RSRP1: variants seen among roughly 807,000 people sequenced by gnomAD.
The protein encoded by RSRP1 is arginine and serine rich protein 1, also known as arginine/serine-rich protein 1.
RSRP1 carries 37 observed loss-of-function variants against 33.0 expected under a neutral mutation model. The observed-to-expected ratio is 1.12, with a 90% CI of 0.86 to 1.48. RSRP1 has a LOEUF of 1.48. Among genes scored for constraint, RSRP1 ranks in the 40% most tolerant of loss-of-function variants. The probability of loss-of-function intolerance (pLI) is 0.00; values close to 1 mark genes in which losing one functional copy is unlikely to be tolerated. For synonymous variants in RSRP1, 167 were observed against 158.7 expected, an observed-to-expected ratio of 1.05 and a Z score of -0.40; for missense variants, 402 against 385.3, an observed-to-expected ratio of 1.04 and a Z score of -0.36.
chr1:25,268,883 G>C (rs1443986555), intron 1 of RSRP1, among the ~76,000 whole-genome samples: 1 of 128,380 alleles, frequency 7.8e-6, no homozygotes. Context: ...GGGAGGTGGA[G>C]GTTGCAGTGA....
intron 1 of RSRP1, among the ~76,000 whole-genome samples, chr1:25,332,572 A>G (rs1571784488): frequency 1.5e-5 from 2 of 131,904 alleles, no homozygotes; most frequent in East Asian, 2.0e-4. Flanking sequence ...CACACTGCGA[A>G]CCATATTACC....
At position 25,245,268 on chromosome 1, in the gene RSRP1, T is replaced by C. The variant is rs770376534; in HGVS notation, c.554A>G (p.Asn185Ser). ...RMELLEIAKTNAAKALGTTNI... is the reference protein window; with the variant it reads ...RMELLEIAKTSAAKALGTTNI... ...GGTTGTTCCTAGAGCTTTCGCTGCATTGGTTTTTGCTATTTCTAACAGCTC... is the reference window on the plus strand; with the variant it reads ...GGTTGTTCCTAGAGCTTTCGCTGCACTGGTTTTTGCTATTTCTAACAGCTC... Residue 185 changes from asparagine to serine, a missense_variant, in exon 3 of 5, where the codon AAT becomes AGT. By Grantham distance (46) the Asn-to-Ser change is conservative. Coordinates refer to ENST00000243189, the MANE Select transcript of RSRP1 (RefSeq NM_020317.5). 1.4e-5 allele frequency: 23 copies of C among 1,613,904 alleles called. No individual in the cohort carries two copies. Among genetic ancestry groups the C allele is most frequent in the Admixed American group, 1.7e-5 (1 of 59,988 alleles).
intron 1 of RSRP1, among the ~76,000 whole-genome samples, chr1:25,271,857 C>T (rs1281830643): frequency 7.6e-6 from 1 of 131,364 alleles, no homozygotes; most frequent in East Asian, 2.0e-4. Flanking sequence ...GGATCAGGAT[C>T]CCCTCCAGGT....
rs573617427 is a variant in RSRP1 at position 25,315,991 on chromosome 1, A to G, written c.-67+21987T>C. 2.1e-4 allele frequency among the ~76,000 whole-genome samples: 28 copies of G among 131,458 alleles called. 6 individuals are homozygous for G. Among genetic ancestry groups the G allele is most frequent in the Admixed American group, 2.1e-3 (28 of 13,572 alleles). The allele number at this position is 131,458 out of a possible 152,430, so 86.2% of individuals were successfully genotyped here. A position where few individuals can be genotyped will look rare whatever the true frequency, so the allele number is the denominator to read the frequency against. ...GGCTTGGAGCTTTGCTTTGTCTTAA[A>G]AATGAGAACATGAGCTGCCCACCTG... On this transcript the variant is annotated intron_variant, in intron 1 of 1. Coordinates refer to the RSRP1 transcript ENST00000561867.
chr1:25,319,573 C>T (rs1392069675), intron 1 of RSRP1, among the ~76,000 whole-genome samples: 1 of 132,156 alleles, frequency 7.6e-6, no homozygotes, highest in African/African-American at 2.6e-5. Context: ...CATGCCACTG[C>T]ACTCCAGCCT....
chr1:25,257,158 T>C (rs576091620), intron 1 of RSRP1, among the ~76,000 whole-genome samples: 3 of 152,348 alleles, frequency 2.0e-5, no homozygotes, highest in Non-Finnish European at 4.4e-5. Context: ...GTCACGACAA[T>C]GTATGGGAAT....
intron 2 of RSRP1, 97 bp from the exon 3 acceptor site, chr1:25,245,398 T>C: frequency 7.2e-7 from 1 of 1,391,486 alleles, no homozygotes; most frequent in Non-Finnish European, 9.6e-7. Flanking sequence ...TATTTTGTGG[T>C]ATTAAATATA....
upstream of RSRP1, chr1:25,338,141 C>G (rs545402488): frequency 2.6e-5 from 4 of 152,316 alleles, no homozygotes; most frequent in East Asian, 1.9e-4. Context: ...CAACTTCTCA[C>G]GCCTACTCTC....
chr1:25,303,754 C>T lies in RSRP1; in HGVS notation c.-67+34224G>A, dbSNP rs112222730. Reference sequence around the variant, plus strand: ...GGGACTGGAGTGTTGTGGGGAGCCCCGAAGCCCCTGTTTTACTTCTTTCTT... The same window carrying T: ...GGGACTGGAGTGTTGTGGGGAGCCCTGAAGCCCCTGTTTTACTTCTTTCTT... On this transcript the variant is annotated intron_variant, in intron 1 of 1. Coordinates refer to the RSRP1 transcript ENST00000561867. Among the ~76,000 whole-genome samples, 2 of 130,652 alleles carry T rather than the reference C, an allele frequency of 1.5e-5. 1 individual carries two copies. Among genetic ancestry groups the T allele is most frequent in the Non-Finnish European group, 3.6e-5 (2 of 55,310 alleles). The allele number at this position is 130,652 out of a possible 152,430, so 85.7% of individuals were successfully genotyped here. A position where few individuals can be genotyped will look rare whatever the true frequency, so the allele number is the denominator to read the frequency against.
chr1:25,283,409 T>A lies in RSRP1; in HGVS notation c.-66-36380A>T, dbSNP rs1183016341. 3.1e-5 allele frequency among the ~76,000 whole-genome samples: 4 copies of A among 130,870 alleles called. 1 individual carries two copies. Among genetic ancestry groups the A allele is most frequent in the African/African-American group, 1.0e-4 (4 of 38,252 alleles). 85.9% of individuals were successfully genotyped at this position (130,870 alleles called of 152,430 possible). ...AGCCGGGCACGGTGGCAGGCACCTG[T>A]AATCCCAGCTACTTGGGAGGCTGAG... is the stretch of plus-strand genomic sequence containing the variant. On this transcript the variant is annotated intron_variant, in intron 1 of 1. Coordinates refer to the RSRP1 transcript ENST00000561867.
chr1:25,251,664 C>T (rs1047859103), upstream of RSRP1, among the ~76,000 whole-genome samples: 2 of 152,044 alleles, frequency 1.3e-5, no homozygotes, highest in Non-Finnish European at 2.9e-5. Context: ...CCACTGCGCC[C>T]GGCTCAAAGT....
At chr1:25,310,687 T>C (rs1644093327) in intron 1 of RSRP1, among the ~76,000 whole-genome samples, 1 of 132,444 alleles carries the variant, frequency 7.6e-6, no homozygotes, top group African/African-American at 2.5e-5. Context: ...GAATGGAGCA[T>C]TATGCCAGGC....
chr1:25,262,666 T>C (rs1166160201), intron 1 of RSRP1, among the ~76,000 whole-genome samples: 1 of 152,108 alleles, frequency 6.6e-6, no homozygotes, highest in African/African-American at 2.4e-5. Flanking sequence ...ATATAATTCT[T>C]AGCCCAAAGG....
intron 1 of RSRP1, among the ~76,000 whole-genome samples, chr1:25,317,866 G>T (rs1404466304): frequency 9.4e-6 from 1 of 106,350 alleles, no homozygotes; most frequent in South Asian, 2.9e-4. Flanking sequence ...GAGCAGCAGG[G>T]GTTGAGGGCA....
intron 1 of RSRP1, among the ~76,000 whole-genome samples, chr1:25,334,407 C>T (rs1571786362): frequency 7.6e-6 from 1 of 131,984 alleles, no homozygotes; most frequent in South Asian, 2.3e-4. Context: ...CAGGGTACAG[C>T]CTCCCTCTCA....
At position 25,246,953 on chromosome 1, in the gene RSRP1, T is replaced by C. The variant is rs138311502; in HGVS notation, c.11A>G (p.Tyr4Cys). 7.6e-6 allele frequency: 12 copies of C among 1,576,128 alleles called. No individual in the cohort carries two copies. Among genetic ancestry groups the C allele is most frequent in the Non-Finnish European group, 9.5e-6 (11 of 1,157,432 alleles). The change falls in exon 2 of 5, where the codon TAC becomes TGC. Residue 4 changes from tyrosine (Y) to cysteine (C), a missense_variant. Physicochemically the swap from Tyr to Cys is radical, Grantham distance 194. Coordinates refer to ENST00000243189, the MANE Select transcript of RSRP1 (RefSeq NM_020317.5). ...CGAGCCCGGCCACATGTCGTTCACG[T>C]AGTTGGACATCTTCACCTGCGGCTT... MSN[Y>C]VNDMWPGSPQ...
rs1443888525 is a variant in RSRP1 at position 25,268,021 on chromosome 1, G to A, written c.-66-20992C>T. On this transcript the variant is annotated intron_variant, in intron 1 of 1. Transcript: ENST00000561867. ...GGGGGTGGTACTGCTGCATCCGGGTGTCTGAAGATCCGATGAAATAACATA... is the reference window on the plus strand; with the variant it reads ...GGGGGTGGTACTGCTGCATCCGGGTATCTGAAGATCCGATGAAATAACATA... 2 of 133,882 alleles carry A rather than the reference G, an allele frequency of 1.5e-5. 1 individual carries two copies. Among genetic ancestry groups the A allele is most frequent in the Admixed American group, 1.4e-4 (2 of 13,856 alleles). The allele number at this position is 133,882 out of a possible 1,614,324, so 8.3% of individuals were successfully genotyped here. A position where few individuals can be genotyped will look rare whatever the true frequency, so the allele number is the denominator to read the frequency against.
intron 1 of RSRP1, among the ~76,000 whole-genome samples, chr1:25,334,881 C>G (rs1388856930): frequency 1.5e-5 from 2 of 129,694 alleles, no homozygotes; most frequent in Non-Finnish European, 3.6e-5. Flanking sequence ...GACCCCGGGC[C>G]TGGCCAACAA....
At chr1:25,244,754 G>C in intron 3 of RSRP1, 1 of 1,090,374 alleles carries the variant, frequency 9.2e-7, no homozygotes, top group Non-Finnish European at 1.2e-6. Context: ...GTGCCATCTT[G>C]GCTCACTGCA....
Sources: allele counts gnomAD v4.1 joint callset (sites outside exome capture counted in the v4.1 genomes callset), GRCh38; gene constraint gnomAD v4.1.1; transcripts MANE v1.5; gene names NCBI Gene and HGNC (gene_info 2026-07-23, HGNC 2026-07-21).